The following PCDHA10 variants were observed in gnomAD, a reference collection of about 807,000 sequenced individuals.
PCDHA10 encodes the protein protocadherin alpha-10.
PCDHA10 carries 45 observed loss-of-function variants against 61.2 expected under a neutral mutation model. The ratio of observed to expected loss-of-function variants is 0.74; its 90% CI spans 0.58 to 0.94. The LOEUF (loss-of-function observed/expected upper bound fraction) is 0.94. Ranked by LOEUF, PCDHA10 falls within the 40% of genes least tolerant of loss-of-function variation. PCDHA10 has a pLI of 0.00. For synonymous variants in PCDHA10, 602 were observed against 548.8 expected, an observed-to-expected ratio of 1.10 and a Z score of -1.35; for missense variants, 1,278 against 1,236.2, an observed-to-expected ratio of 1.03 and a Z score of -0.51.
intron 1 of PCDHA10, chr5:140,884,416 G>T (rs1035372416): frequency 1.2e-6 from 2 of 1,614,006 alleles, no homozygotes; most frequent in East Asian, 4.5e-5. Flanking sequence ...TCACGTTGCT[G>T]CTGTATACTG....
At chr5:140,990,742 G>A (rs947618929) in intron 3 of PCDHA10, among the ~76,000 whole-genome samples, 2 of 152,176 alleles carry the variant, frequency 1.3e-5, no homozygotes, top group African/African-American at 4.8e-5. Context: ...CAGCCCTAGG[G>A]TGGATACCTT....
intron 1 of PCDHA10, among the ~76,000 whole-genome samples, chr5:140,890,874 C>T (rs1337922727): frequency 6.6e-6 from 1 of 152,082 alleles, no homozygotes; most frequent in Admixed American, 6.6e-5. Flanking sequence ...CCCCTCTGAC[C>T]TTTCATCAGG....
chr5:140,995,180 A>C (rs1014057978), intron 3 of PCDHA10, among the ~76,000 whole-genome samples: 4 of 152,190 alleles, frequency 2.6e-5, no homozygotes, highest in African/African-American at 9.7e-5. Context: ...AGGTGCACCT[A>C]TGATAAAGTT....
intron 1 of PCDHA10, chr5:140,927,386 C>T: frequency 6.2e-7 from 1 of 1,614,106 alleles, no homozygotes; most frequent in African/African-American, 1.3e-5. Flanking sequence ...AGCCTAAGCC[C>T]CAGTCAGCAC....
intron 1 of PCDHA10, among the ~76,000 whole-genome samples, chr5:140,874,127 A>G (rs1297073584): frequency 2.0e-5 from 3 of 151,564 alleles, no homozygotes; most frequent in Non-Finnish European, 4.4e-5. Flanking sequence ...TAGTTTATTT[A>G]AGTTATCTTA....
chr5:140,866,915 A>T (rs1413291718), intron 1 of PCDHA10: 1 of 152,138 alleles, frequency 6.6e-6, no homozygotes, highest in African/African-American at 2.4e-5. Flanking sequence ...CTCAAAGATG[A>T]GTTCAAAGGG....
chr5:140,869,511 A>G, intron 1 of PCDHA10: 1 of 1,614,194 alleles, frequency 6.2e-7, no homozygotes, highest in Non-Finnish European at 8.5e-7. Context: ...TCTCGCTCAG[A>G]GAACAAAAGC....
chr5:141,006,504 C>T (rs911793343), intron 3 of PCDHA10, among the ~76,000 whole-genome samples: 4 of 152,022 alleles, frequency 2.6e-5, no homozygotes, highest in East Asian at 1.9e-4. Flanking sequence ...TGAGCCACCG[C>T]GCCTGGCTGT....
chr5:140,884,484 T>TA, intron 1 of PCDHA10: 1 of 1,613,922 alleles, frequency 6.2e-7, no homozygotes, highest in Non-Finnish European at 8.5e-7. Flanking sequence ...AAGCCCACTC[T>TA]AGTGTGCTCC....
At chr5:140,901,761 A>G (rs1276192436) in intron 1 of PCDHA10, among the ~76,000 whole-genome samples, 1 of 152,124 alleles carries the variant, frequency 6.6e-6, no homozygotes, top group African/African-American at 2.4e-5. Flanking sequence ...TTTGACAGGG[A>G]TTGCATTGAA....
In PCDHA10 at chr5:140,927,241, A is replaced by T. The variant is rs781911240; in HGVS notation, c.2389-51708A>T. The stretch of plus-strand genomic sequence containing the variant: ...CAAGATTCGGATTCACGTCCTGGAC[A>T]CCAATGACAACTCACCTCTCTTTCC... On this transcript the variant is annotated intron_variant, in intron 1 of 3. Coordinates refer to ENST00000307360, the MANE Select transcript of PCDHA10 (RefSeq NM_018901.4). 3 of 1,613,966 alleles carry T rather than the reference A, an allele frequency of 1.9e-6. No homozygotes were observed. The Admixed American group carries it at 5.0e-5, about 27-fold the overall frequency.
At chr5:140,882,188 A>G (rs1446435577) in intron 1 of PCDHA10, 6 of 1,519,650 alleles carry the variant, frequency 3.9e-6, no homozygotes, top group African/African-American at 1.4e-5. Context: ...CTAGGAAGCC[A>G]TAAAAATTGG....
At chr5:140,888,749 AC>A (rs1218374821) in intron 1 of PCDHA10, among the ~76,000 whole-genome samples, 1 of 151,232 alleles carries the variant, frequency 6.6e-6, no homozygotes, top group African/African-American at 2.4e-5. Context: ...GAATTATTCT[AC>A]CCACTTTTTT....
chr5:140,876,738 G>C, intron 1 of PCDHA10: 2 of 1,614,264 alleles, frequency 1.2e-6, no homozygotes, highest in Non-Finnish European at 1.7e-6. Flanking sequence ...CGGCCTATGA[G>C]CTGGTGGTGA....
intron 1 of PCDHA10, chr5:140,927,627 T>G (rs145171269): frequency 6.2e-7 from 1 of 1,614,180 alleles, no homozygotes; most frequent in Non-Finnish European, 8.5e-7. Context: ...TTCCAGAGAC[T>G]GCACCCAATG....
At chr5:140,965,143 G>A (rs1451263269) in intron 1 of PCDHA10, among the ~76,000 whole-genome samples, 1 of 152,230 alleles carries the variant, frequency 6.6e-6, no homozygotes, top group Admixed American at 6.5e-5. Context: ...AGAATACTGG[G>A]AGATGAAGAG....
At chr5:140,939,428 G>A (rs1417323934) in intron 1 of PCDHA10, among the ~76,000 whole-genome samples, 2 of 152,128 alleles carry the variant, frequency 1.3e-5, no homozygotes, top group Admixed American at 6.5e-5. Flanking sequence ...TCTTCCATAA[G>A]CATTTGAAGA....
chr5:140,863,128 C>A, intron 1 of PCDHA10: 1 of 598,142 alleles, frequency 1.7e-6, no homozygotes, highest in South Asian at 1.4e-5. Flanking sequence ...TACGCGCCAC[C>A]GCCTGCTGGT....
At position 140,926,980 on chromosome 5, in the gene PCDHA10, A is replaced by T. The variant is rs781916280; in HGVS notation, c.2389-51969A>T. ...GCTCGAGTACTCAGTGCCGGAGGAG[A>T]CGGAGCGGGGCGTAGCCGTAGGCAA... On this transcript the variant is annotated intron_variant, in intron 1 of 3. Transcript: ENST00000307360. The T allele has an allele frequency of 1.9e-6, 3 of 1,610,246 alleles. No individual in the cohort carries two copies. The Admixed American group carries it at 5.0e-5, about 27-fold the overall frequency.
Sources: allele counts gnomAD v4.1 joint callset (sites outside exome capture counted in the v4.1 genomes callset), GRCh38; gene constraint gnomAD v4.1.1; transcripts MANE v1.5; gene names NCBI Gene and HGNC (gene_info 2026-07-23, HGNC 2026-07-21).